Variants in EPHA3 observed in about 807,000 individuals in gnomAD.
EPHA3 encodes EPH receptor A3, also known as ephrin type-A receptor 3.
In EPHA3, 42 loss-of-function variants were observed where a neutral mutation model predicts 107.1. The observed-to-expected ratio is 0.39, with a 90% CI of 0.31 to 0.51. EPHA3 has a LOEUF of 0.51. EPHA3 is among the 20% of genes least tolerant of loss of function. The pLI is 0.78. For missense variants in EPHA3, 1,183 were observed against 1,211.2 expected, an observed-to-expected ratio of 0.98 and a Z score of 0.35; for synonymous variants, 461 against 424.8, an observed-to-expected ratio of 1.09 and a Z score of -1.05.
chr3:89,163,308 A>G (rs1396803854), intron 2 of EPHA3, among the ~76,000 whole-genome samples: 1 of 152,182 alleles, frequency 6.6e-6, no homozygotes, highest in African/African-American at 2.4e-5. Flanking sequence ...TTTAATGAGT[A>G]ATCATAAAAT....
intron 3 of EPHA3, among the ~76,000 whole-genome samples, chr3:89,245,000 A>G (rs922021470): frequency 2.0e-5 from 3 of 152,226 alleles, no homozygotes; most frequent in Admixed American, 6.5e-5. Context: ...ATTAAAGTGT[A>G]TTGCAGAAAG....
intron 3 of EPHA3, among the ~76,000 whole-genome samples, chr3:89,294,085 T>C (rs1416274824): frequency 6.6e-6 from 1 of 152,186 alleles, no homozygotes; most frequent in Non-Finnish European, 1.5e-5. Context: ...GTAAGATTTG[T>C]CCCATTGGCC....
intron 3 of EPHA3, among the ~76,000 whole-genome samples, chr3:89,230,030 G>A (rs1452904322): frequency 6.6e-6 from 1 of 152,056 alleles, no homozygotes; most frequent in African/African-American, 2.4e-5. Flanking sequence ...AAGTCAGTAT[G>A]TATGAGCTTT....
At chr3:89,191,767 G>A (rs905611716) in intron 2 of EPHA3, among the ~76,000 whole-genome samples, 2 of 151,740 alleles carry the variant, frequency 1.3e-5, no homozygotes, top group Admixed American at 6.6e-5. Context: ...GGCAAACAAC[G>A]AGTCTTGAAG....
intron 3 of EPHA3, among the ~76,000 whole-genome samples, chr3:89,320,277 C>T (rs1475197625): frequency 6.6e-6 from 1 of 151,986 alleles, no homozygotes; most frequent in African/African-American, 2.4e-5. Context: ...TTCACTTCCT[C>T]TGGTGCAGCA....
intron 2 of EPHA3, among the ~76,000 whole-genome samples, chr3:89,180,890 G>T (rs571156049): frequency 5.2e-4 from 79 of 152,078 alleles, no homozygotes; most frequent in African/African-American, 1.8e-3. Flanking sequence ...TATAGGAGGA[G>T]CTAAAATAAT....
intron 2 of EPHA3, among the ~76,000 whole-genome samples, chr3:89,206,505 T>C (rs1229767693): frequency 2.6e-5 from 4 of 152,218 alleles, no homozygotes; most frequent in Non-Finnish European, 5.9e-5. Flanking sequence ...TTCTATAAGA[T>C]GGTTATGGAA....
At chr3:89,297,319 C>T (rs1490055659) in intron 3 of EPHA3, among the ~76,000 whole-genome samples, 1 of 152,100 alleles carries the variant, frequency 6.6e-6, no homozygotes, top group Non-Finnish European at 1.5e-5. Context: ...GCATGCAATA[C>T]TTTCTTTCAC....
At chr3:89,164,887 G>A (rs1410386718) in intron 2 of EPHA3, among the ~76,000 whole-genome samples, 1 of 152,126 alleles carries the variant, frequency 6.6e-6, no homozygotes. Context: ...ATTTAAAATG[G>A]AGGTGTATTT....
intron 2 of EPHA3, among the ~76,000 whole-genome samples, chr3:89,148,267 G>A (rs956255553): frequency 9.2e-5 from 14 of 151,912 alleles, no homozygotes; most frequent in South Asian, 2.1e-4. Flanking sequence ...CATTATTACT[G>A]AGAATAAGAG....
chr3:89,335,376 A>T (rs913832238), intron 3 of EPHA3, among the ~76,000 whole-genome samples: 2 of 152,178 alleles, frequency 1.3e-5, no homozygotes, highest in African/African-American at 4.8e-5. Context: ...TTCATGATCT[A>T]AACCTCCCCA....
intron 5 of EPHA3, among the ~76,000 whole-genome samples, chr3:89,371,787 A>C (rs1320783216): frequency 2.6e-5 from 4 of 151,546 alleles, no homozygotes; most frequent in African/African-American, 9.7e-5. Context: ...CAAGTAGCAA[A>C]GTTTTAAGAC....
chr3:89,256,757 A>C (rs959625046), intron 3 of EPHA3, among the ~76,000 whole-genome samples: 2 of 152,180 alleles, frequency 1.3e-5, no homozygotes, highest in African/African-American at 2.4e-5. Flanking sequence ...AATGTTAAGC[A>C]ATTACATTGC....
intron 3 of EPHA3, among the ~76,000 whole-genome samples, chr3:89,339,808 G>A (rs549448608): frequency 1.8e-4 from 27 of 152,282 alleles, no homozygotes; most frequent in African/African-American, 6.3e-4. Context: ...TATAAGTTCT[G>A]TAAATCATCA....
intron 2 of EPHA3, among the ~76,000 whole-genome samples, chr3:89,135,577 T>C (rs990714734): frequency 2.0e-5 from 3 of 152,056 alleles, no homozygotes; most frequent in Non-Finnish European, 4.4e-5. Context: ...ATAATGTCTT[T>C]TAGGGATTTC....
rs529988996 is a variant in EPHA3, at chr3:89,316,613, T to C, written c.815-24303T>C. On this transcript the variant is annotated intron_variant, in intron 3 of 16. Coordinates refer to ENST00000336596, the MANE Select transcript of EPHA3 (RefSeq NM_005233.6). ...ACAAAGCACTTCTCTTTTACTGTTG[T>C]AGATTTTGAAAGCAGGAGGAAAAGT... Among the ~76,000 whole-genome samples, 4 of 149,432 alleles carry C rather than the reference T, an allele frequency of 2.7e-5. No individual in the cohort carries two copies. The East Asian group carries it at 7.9e-4, about 30-fold the overall frequency.
At chr3:89,314,262 A>G (rs1312712658) in intron 3 of EPHA3, among the ~76,000 whole-genome samples, 1 of 151,924 alleles carries the variant, frequency 6.6e-6, no homozygotes, top group Non-Finnish European at 1.5e-5. Flanking sequence ...CCTATATAAA[A>G]GCTACTTTTC....
intron 13 of EPHA3, among the ~76,000 whole-genome samples, chr3:89,443,163 T>A (rs1709816325): frequency 6.6e-6 from 1 of 152,214 alleles, no homozygotes; most frequent in African/African-American, 2.4e-5. Flanking sequence ...AAAATTATTT[T>A]TTAATTAATT....
chr3:89,476,763 A>G (rs1442911066), intron 16 of EPHA3, among the ~76,000 whole-genome samples: 2 of 151,406 alleles, frequency 1.3e-5, no homozygotes, highest in African/African-American at 2.4e-5. Flanking sequence ...GCCCGCCACC[A>G]CGCCCCGCTA....
Sources: allele counts gnomAD v4.1 joint callset (sites outside exome capture counted in the v4.1 genomes callset), GRCh38; gene constraint gnomAD v4.1.1; transcripts MANE v1.5; gene names NCBI Gene and HGNC (gene_info 2026-07-23, HGNC 2026-07-21).